Variants in MRTFB observed in about 807,000 individuals in gnomAD.
MRTFB encodes myocardin related transcription factor B.
In MRTFB, 29 loss-of-function variants were observed where a neutral mutation model predicts 104.2. That is an observed-to-expected ratio of 0.28 (90% confidence interval 0.21 to 0.38). MRTFB has a LOEUF of 0.38. Ranked by LOEUF, MRTFB falls within the 10% of genes least tolerant of loss-of-function variation. The pLI, the probability that MRTFB is intolerant of heterozygous loss-of-function variation, is 1.00. For missense variants in MRTFB, 1,270 were observed against 1,341.6 expected, an observed-to-expected ratio of 0.95 and a Z score of 0.83; for synonymous variants, 535 against 519.5, an observed-to-expected ratio of 1.03 and a Z score of -0.41.
chr16:14,086,073 A>G (rs1444390763), intron 2 of MRTFB, among the ~76,000 whole-genome samples: 1 of 152,244 alleles, frequency 6.6e-6, no homozygotes, highest in East Asian at 1.9e-4. Context: ...GTCCCAAAAT[A>G]TATTTTTAAT....
chr16:14,110,288 T>G (rs1280221327), intron 2 of MRTFB, among the ~76,000 whole-genome samples: 1 of 152,156 alleles, frequency 6.6e-6, no homozygotes, highest in Non-Finnish European at 1.5e-5. Context: ...CATGGCTGGT[T>G]CCCTGGTAGA....
the MRTFB span, among the ~76,000 whole-genome samples, chr16:14,021,674 G>A: frequency 2.6e-5 from 4 of 152,150 alleles, no homozygotes; most frequent in South Asian, 4.1e-4. Context: ...AACATACAAT[G>A]TTTGGTTTTC....
the MRTFB span, among the ~76,000 whole-genome samples, chr16:14,012,547 C>T: frequency 6.6e-6 from 1 of 152,092 alleles, no homozygotes; most frequent in Non-Finnish European, 1.5e-5. Context: ...ATCTGCCCAC[C>T]TTGGCCTCCC....
upstream of MRTFB, among the ~76,000 whole-genome samples, chr16:14,067,666 A>T (rs1048195082): frequency 6.6e-6 from 1 of 152,200 alleles, no homozygotes; most frequent in Non-Finnish European, 1.5e-5. Flanking sequence ...AGAGTCCTTT[A>T]TAAAGCAGAC....
chr16:14,028,655 G>A, the MRTFB span, among the ~76,000 whole-genome samples: 2 of 152,208 alleles, frequency 1.3e-5, no homozygotes, highest in Non-Finnish European at 2.9e-5. Context: ...CACTTTGGGA[G>A]CCTCTTAGGC....
chr16:14,117,316 C>T (rs1406271034), intron 2 of MRTFB, among the ~76,000 whole-genome samples: 1 of 152,272 alleles, frequency 6.6e-6, no homozygotes, highest in Non-Finnish European at 1.5e-5. Flanking sequence ...GAGAAAGACA[C>T]TGGTGGGTTT....
At chr16:14,139,798 A>T (rs1443391924) in intron 2 of MRTFB, among the ~76,000 whole-genome samples, 2 of 152,232 alleles carry the variant, frequency 1.3e-5, no homozygotes, top group Non-Finnish European at 1.5e-5. Flanking sequence ...ATAAGCAGAC[A>T]ACAAAGAATT....
rs1597377624 is a variant in MRTFB at position 14,250,461 on chromosome 16, G to A, written c.2403+1380G>A. Reference sequence around the variant, plus strand: ...AAACAAAACATTTTGGAGTTCCACAGCAAGAAGTTCTCACCTTTGCCTGTT... The same window carrying A: ...AAACAAAACATTTTGGAGTTCCACAACAAGAAGTTCTCACCTTTGCCTGTT... On this transcript the variant is annotated intron_variant, in intron 13 of 16. Transcript: ENST00000571589. Among the ~76,000 whole-genome samples, 3 of 152,334 alleles carry A rather than the reference G, an allele frequency of 2.0e-5. No individual in the cohort carries two copies. In the East Asian group the frequency reaches 5.8e-4, roughly 29 times the overall value.
chr16:14,089,821 G>C (rs2034943582), intron 2 of MRTFB, among the ~76,000 whole-genome samples: 1 of 152,160 alleles, frequency 6.6e-6, no homozygotes, highest in Admixed American at 6.5e-5. Flanking sequence ...GTTTTTCGTA[G>C]TAGCCATCCT....
intron 5 of MRTFB, among the ~76,000 whole-genome samples, chr16:14,213,159 A>G (rs1240238009): frequency 6.6e-6 from 1 of 152,216 alleles, no homozygotes; most frequent in East Asian, 1.9e-4. Context: ...AAGAAAACAC[A>G]TTAAGATTTT....
At chr16:14,014,143 A>G in the MRTFB span, among the ~76,000 whole-genome samples, 1 of 152,188 alleles carries the variant, frequency 6.6e-6, no homozygotes. Flanking sequence ...CTGAATAAAT[A>G]TTTGTTAAAT....
At chr16:14,239,025 A>G (rs969133454) in intron 9 of MRTFB, among the ~76,000 whole-genome samples, 2 of 152,160 alleles carry the variant, frequency 1.3e-5, no homozygotes, top group African/African-American at 2.4e-5. Flanking sequence ...TGAATGCACA[A>G]TTGGGAGAAA....
chr16:14,219,281 C>T (rs185735086), intron 8 of MRTFB, among the ~76,000 whole-genome samples: 2 of 152,216 alleles, frequency 1.3e-5, no homozygotes, highest in Admixed American at 1.3e-4. Context: ...ACACATTGAG[C>T]ACCTATTATG....
chr16:14,023,868 G>A, the MRTFB span, among the ~76,000 whole-genome samples: 1 of 151,988 alleles, frequency 6.6e-6, no homozygotes, highest in African/African-American at 2.4e-5. Flanking sequence ...CTGGCCAACA[G>A]GGTGAAACCC....
chr16:14,244,376 A>G (rs77977727), intron 10 of MRTFB, among the ~76,000 whole-genome samples: 9,079 of 152,240 alleles, frequency 0.06, 910 homozygotes, highest in African/African-American at 0.21. Flanking sequence ...GCATACATAC[A>G]TGTGTCTTTC....
the MRTFB span, among the ~76,000 whole-genome samples, chr16:14,055,282 C>T: frequency 6.6e-6 from 1 of 152,188 alleles, no homozygotes; most frequent in Non-Finnish European, 1.5e-5. Flanking sequence ...ACCCGGGAAG[C>T]GGAGGTTTCC....
intron 3 of MRTFB, chr16:14,200,946 A>G (rs940533200): frequency 1.4e-5 from 20 of 1,440,220 alleles, no homozygotes; most frequent in Non-Finnish European, 2.0e-5. Flanking sequence ...TTTTAAGACA[A>G]AACACTGGAG....
chr16:14,011,475 A>G, the MRTFB span, among the ~76,000 whole-genome samples: 1 of 152,250 alleles, frequency 6.6e-6, no homozygotes, highest in Non-Finnish European at 1.5e-5. Context: ...GTTAGCATAA[A>G]CAAAGCTAAA....
At chr16:14,037,143 G>A in the MRTFB span, among the ~76,000 whole-genome samples, 1 of 152,154 alleles carries the variant, frequency 6.6e-6, no homozygotes, top group Non-Finnish European at 1.5e-5. Context: ...GCTTGGATTT[G>A]CATCCCAGCT....
Sources: allele counts gnomAD v4.1 joint callset (sites outside exome capture counted in the v4.1 genomes callset), GRCh38; gene constraint gnomAD v4.1.1; transcripts MANE v1.5; gene names NCBI Gene and HGNC (gene_info 2026-07-23, HGNC 2026-07-21).